Variants in SULT1A1 observed in about 807,000 individuals in gnomAD.
SULT1A1 encodes sulfotransferase 1A1.
In SULT1A1, 35 loss-of-function variants were observed where a neutral mutation model predicts 36.8. The ratio of observed to expected loss-of-function variants is 0.95; its 90% CI spans 0.73 to 1.26. The LOEUF is 1.26. Ranked by LOEUF, SULT1A1 falls within the 50% of genes most tolerant of loss-of-function variation. The pLI, the probability that SULT1A1 is intolerant of heterozygous loss-of-function variation, is 0.00. For synonymous variants in SULT1A1, 119 were observed against 146.0 expected (o/e 0.82, Z 1.33); for missense variants, 309 against 383.0 (o/e 0.81, Z 1.61).
intron 1 of SULT1A1, among the ~76,000 whole-genome samples, chr16:28,622,217 A>G (rs1379255447): frequency 6.8e-6 from 1 of 147,686 alleles, no homozygotes; most frequent in Non-Finnish European, 1.5e-5. Flanking sequence ...ACTACTTGGG[A>G]GAATATGCCC....
At chr16:28,610,251 G>GTTTTT (rs375498320), upstream of SULT1A1, 4 of 585,310 alleles carry the variant, frequency 6.8e-6, no homozygotes, top group Non-Finnish European at 4.7e-6. Context: ...GTTTTTGTAG[G>GTTTTT]TTTTTTTTTT....
At chr16:28,609,439 C>CTG in intron 1 of SULT1A1, 1 of 1,260,456 alleles carries the variant, frequency 7.9e-7, no homozygotes, top group African/African-American at 1.5e-5. Flanking sequence ...GCCAGAGCTG[C>CTG]TGTGGGAATG....
chr16:28,608,799 C>G lies in SULT1A1; in HGVS notation c.57G>C (p.Pro19=). 1 of 1,611,122 alleles carries G rather than the reference C, an allele frequency of 6.2e-7. No individual in the cohort carries two copies. Among genetic ancestry groups the G allele is most frequent in the Non-Finnish European group, 8.5e-7 (1 of 1,179,042 alleles). ...RPPLEYVKGV[P]LIKYFAEALG... is the part of the protein sequence containing the mutation. ...GTGCCTCTGCAAAGTACTTGATGAG[C>G]GGGACCCCCTTCACGTACTCCAGTG... is the stretch of plus-strand genomic sequence containing the variant. The change falls in exon 2 of 8, where the codon CCG becomes CCC. Residue 19 remains proline (P), a synonymous_variant. Coordinates refer to ENST00000314752, the MANE Select transcript of SULT1A1 (RefSeq NM_001055.4).
In SULT1A1 at chr16:28,609,911, C is replaced by T. The variant is rs764058295; in HGVS notation, c.-5+20G>A. ...TGAGCAGGGTGAGGGCGCCCTGGGC[C>T]GTTCCACTGTGTCACTCACCTGAGC... is the stretch of plus-strand genomic sequence containing the variant. On this transcript the variant is annotated intron_variant, in intron 1 of 7. Transcript: ENST00000314752. 40 of 1,280,938 alleles carry T rather than the reference C, an allele frequency of 3.1e-5. 1 individual carries two copies. Among genetic ancestry groups the T allele is most frequent in the South Asian group, 2.3e-4 (18 of 79,922 alleles). The allele number at this position is 1,280,938 out of a possible 1,614,324, so 79.3% of individuals were successfully genotyped here.
chr16:28,623,144 C>T (rs1169970018), exon 1 of SULT1A1: 2 of 1,514,196 alleles, frequency 1.3e-6, no homozygotes, highest in Non-Finnish European at 1.8e-6. Context: ...CGTAGAAGGC[C>T]GAGACCGCGA....
chr16:28,610,262 CTGTTTTTTTTT>C, upstream of SULT1A1: 83 of 239,634 alleles, frequency 3.5e-4, no homozygotes, highest in Non-Finnish European at 4.7e-4. Flanking sequence ...TTTTTTTTTT[CTGTTTTTTTTT>C]TTTTTTTTTT....
chr16:28,607,068 C>T lies in SULT1A1; in HGVS notation c.382G>A (p.Val128Ile), dbSNP rs11546425. The T allele has an allele frequency of 1.2e-5, 20 of 1,612,290 alleles. No individual in the cohort carries two copies. The highest frequency in any genetic ancestry group is 3.3e-4 in the Middle Eastern group (2 of 6,074). Residue 128 changes from valine to isoleucine, a missense_variant, in exon 5 of 8, where the codon GTT (valine) becomes ATT (isoleucine). Physicochemically the swap from Val to Ile is conservative, Grantham distance 29. This residue lies in a region of SULT1A1 where 219 missense variants were observed against 215.3 expected (regional missense o/e 1.02). Coordinates refer to ENST00000314752, the MANE Select transcript of SULT1A1 (RefSeq NM_001055.4). ...LLDQKVKVVYVARNAKDVAVS... is the reference protein window; with the variant it reads ...LLDQKVKVVYIARNAKDVAVS... Reference sequence around the variant, plus strand: ...GCCACATCCTTTGCGTTGCGGGCAACATAGACCACCTGCAGGGGCAGAAGA... The same window carrying T: ...GCCACATCCTTTGCGTTGCGGGCAATATAGACCACCTGCAGGGGCAGAAGA...
rs2047345249 is a variant in SULT1A1, at chr16:28,609,068, A to G, written c.-4-209T>C. 6 of 1,460,586 alleles carry G rather than the reference A, an allele frequency of 4.1e-6. 1 individual carries two copies. In the Admixed American group the frequency reaches 1.1e-4, roughly 28 times the overall value. The allele number at this position is 1,460,586 out of a possible 1,614,324, so 90.5% of individuals were successfully genotyped here. On this transcript the variant is annotated intron_variant, in intron 1 of 7. Coordinates refer to ENST00000314752, the MANE Select transcript of SULT1A1 (RefSeq NM_001055.4). ...CCCAGCCTGGCCTCACCTTTCATTC[A>G]CCTGCGGAGCTGTTCAAAATCCCAG...
intron 2 of SULT1A1, among the ~76,000 whole-genome samples, chr16:28,615,699 C>T (rs908271042): frequency 5.3e-5 from 8 of 152,286 alleles, no homozygotes; most frequent in South Asian, 4.1e-4. Flanking sequence ...TGGCCCCGAA[C>T]GTCGGGCTGC....
intron 1 of SULT1A1, chr16:28,622,984 G>A (rs1335223576): frequency 9.0e-7 from 1 of 1,116,962 alleles, no homozygotes; most frequent in African/African-American, 1.6e-5. Context: ...TCAGGCCTCT[G>A]AAGCAGCTCC....
intron 2 of SULT1A1, chr16:28,619,993 T>TTGGGTG: frequency 8.9e-7 from 1 of 1,119,776 alleles, no homozygotes; most frequent in Non-Finnish European, 1.3e-6. Flanking sequence ...GTATTGTATA[T>TTGGGTG]TGTGTGTGTG....
At chr16:28,608,975 G>A (rs1478825785) in intron 1 of SULT1A1, 116 bp from the exon 2 acceptor site, 22 of 1,591,736 alleles carry the variant, frequency 1.4e-5, no homozygotes, top group Middle Eastern at 2.3e-4. Flanking sequence ...TGACTTGCCC[G>A]CACTCACAAA....
chr16:28,607,003 G>A lies in SULT1A1; in HGVS notation c.447C>T (p.His149=), dbSNP rs1411465198. ...AGCTGTCCCAGGTCCCAGGCTCAGG[G>A]TGCACCTTGGCCATGTGGTAGAAGT... The part of the protein sequence containing the change: ...YYHFYHMAKV[H]PEPGTWDSFL... The change falls in exon 5 of 8, where the codon CAC becomes CAT. Residue 149 remains histidine (H), a synonymous_variant. Coordinates refer to ENST00000314752, the MANE Select transcript of SULT1A1 (RefSeq NM_001055.4). 1.9e-6 allele frequency: 3 copies of A among 1,612,532 alleles called. No individual in the cohort carries two copies. The highest frequency in any genetic ancestry group is 1.1e-5 in the South Asian group (1 of 91,034).
intron 2 of SULT1A1, among the ~76,000 whole-genome samples, chr16:28,616,008 A>C (rs2047538238): frequency 4.3e-5 from 1 of 22,994 alleles, no homozygotes; most frequent in South Asian, 0.071. Context: ...ACAGCATCAC[A>C]GGGAGACGCT....
chr16:28,617,869 CA>C (rs2047576196), intron 2 of SULT1A1, among the ~76,000 whole-genome samples: 1 of 152,094 alleles, frequency 6.6e-6, no homozygotes, highest in Admixed American at 6.6e-5. Flanking sequence ...AAAAAATCTC[CA>C]AATGGGCTGG....
intron 2 of SULT1A1, among the ~76,000 whole-genome samples, chr16:28,615,234 C>A (rs2047511175): frequency 8.8e-6 from 1 of 113,082 alleles, no homozygotes; most frequent in Admixed American, 9.6e-5. Context: ...GCGGGGCCGG[C>A]TGTGCAGGGA....
chr16:28,610,557 T>C, upstream of SULT1A1: 1 of 252,342 alleles, frequency 4.0e-6, no homozygotes, highest in South Asian at 4.0e-5. Context: ...GGGATGTGTG[T>C]GGGCAGAGTG....
chr16:28,616,974 C>A (rs1404551058), intron 2 of SULT1A1, among the ~76,000 whole-genome samples: 1 of 152,026 alleles, frequency 6.6e-6, no homozygotes, highest in Non-Finnish European at 1.5e-5. Flanking sequence ...CCTGGAATGA[C>A]CTGTCCCCCA....
rs1327740002 is a variant in SULT1A1, at chr16:28,605,597, A to T, written c.*224T>A. On this transcript the variant is annotated 3_prime_UTR_variant, in exon 8 of 8. Coordinates refer to ENST00000314752, the MANE Select transcript of SULT1A1 (RefSeq NM_001055.4). The stretch of plus-strand genomic sequence containing the variant: ...CACAATCATATTTTATTCTCTTTTT[A>T]AAAATTGGTTTTATTTTATTTTATT... The T allele has an allele frequency of 2.6e-6, 2 of 769,502 alleles. No individual in the cohort carries two copies. The highest frequency in any genetic ancestry group is 1.7e-5 in the African/African-American group (1 of 59,224). 47.7% of individuals were successfully genotyped at this position (769,502 alleles called of 1,614,324 possible). A position where few individuals can be genotyped will look rare whatever the true frequency, so the allele number is the denominator to read the frequency against.
Sources: allele counts gnomAD v4.1 joint callset (sites outside exome capture counted in the v4.1 genomes callset), GRCh38; gene constraint gnomAD v4.1.1; regional missense constraint gnomAD v4.1.1; transcripts MANE v1.5; gene names NCBI Gene and HGNC (gene_info 2026-07-23, HGNC 2026-07-21).